Variants in RBM6 observed in about 807,000 individuals in gnomAD.
RBM6 encodes RNA binding motif protein 6.
A neutral mutation model predicts 140.4 loss-of-function variants in RBM6; 23 were observed. That is an observed-to-expected ratio of 0.16 (90% CI 0.12 to 0.23). RBM6 has a LOEUF of 0.23. Ranked by LOEUF, RBM6 falls within the 10% of genes least tolerant of loss-of-function variation. The probability of loss-of-function intolerance (pLI) is 1.00; values close to 1 mark genes in which losing one functional copy is unlikely to be tolerated. For missense variants in RBM6, 1,139 were observed against 1,386.7 expected (o/e 0.82, Z 2.84); for synonymous variants, 439 against 475.6 (o/e 0.92, Z 1.00).
intron 6 of RBM6, among the ~76,000 whole-genome samples, chr3:50,021,974 C>T (rs1018983857): frequency 1.3e-5 from 2 of 150,662 alleles, no homozygotes; most frequent in African/African-American, 2.4e-5. Flanking sequence ...CGCTTGAGCC[C>T]GGGAGGTCAA....
chr3:49,948,073 A>T (rs1245205603), intron 1 of RBM6, among the ~76,000 whole-genome samples: 2 of 152,078 alleles, frequency 1.3e-5, no homozygotes, highest in African/African-American at 4.8e-5. Flanking sequence ...AGCCTGGGCG[A>T]CAGAGCGAGA....
At chr3:50,057,313 G>A (rs912478699) in intron 8 of RBM6, among the ~76,000 whole-genome samples, 2 of 152,084 alleles carry the variant, frequency 1.3e-5, no homozygotes, top group Non-Finnish European at 2.9e-5. Context: ...CAGGCCGGGC[G>A]TGTTTGCTCA....
rs114512230 is a variant in RBM6, at chr3:50,023,410, A to G, written c.1557+23897A>G. On this transcript the variant is annotated intron_variant, in intron 6 of 20. Coordinates refer to ENST00000266022, the MANE Select transcript of RBM6 (RefSeq NM_005777.3). ...AACCTCCGCCTCCTGGGTTCAAGCTATTCTCCTGTTTCAGCATCCCAAGTA... is the reference window on the plus strand; with the variant it reads ...AACCTCCGCCTCCTGGGTTCAAGCTGTTCTCCTGTTTCAGCATCCCAAGTA... 6.1e-3 allele frequency among the ~76,000 whole-genome samples: 927 copies of G among 152,086 alleles called. 10 individuals are homozygous for G. The highest frequency in any genetic ancestry group is 0.021 in the African/African-American group (875 of 41,500).
rs868442364 is a variant in RBM6 at position 50,051,217 on chromosome 3, A to G, written c.1632+2898A>G. Among the ~76,000 whole-genome samples the G allele has an allele frequency of 2.6e-5, 4 of 151,986 alleles. No homozygotes were observed. In the East Asian group the frequency reaches 5.8e-4, roughly 22 times the overall value. ...TAACTGGGTGTGGTGGTGCATGCCTATGATCGCGGCTACTAAGCAGGCTGA... is the reference window on the plus strand; with the variant it reads ...TAACTGGGTGTGGTGGTGCATGCCTGTGATCGCGGCTACTAAGCAGGCTGA... On this transcript the variant is annotated intron_variant, in intron 7 of 20. Coordinates refer to ENST00000266022, the MANE Select transcript of RBM6 (RefSeq NM_005777.3).
chr3:50,030,829 G>GA (rs1479602264), intron 6 of RBM6, among the ~76,000 whole-genome samples: 1 of 152,106 alleles, frequency 6.6e-6, no homozygotes, highest in Non-Finnish European at 1.5e-5. Context: ...CCAATGGGAA[G>GA]GAAGGGGGAT....
chr3:50,019,040 TA>T (rs989368576), intron 6 of RBM6, among the ~76,000 whole-genome samples: 2 of 151,756 alleles, frequency 1.3e-5, no homozygotes, highest in African/African-American at 2.4e-5. Context: ...TTTATTTATT[TA>T]TTTTTTTTTT....
intron 5 of RBM6, among the ~76,000 whole-genome samples, chr3:49,994,758 GA>G (rs908339063): frequency 6.7e-6 from 1 of 149,462 alleles, no homozygotes; most frequent in South Asian, 2.1e-4. Context: ...AAAGAAAGGA[GA>G]AAAAAAAACC....
intron 18 of RBM6, among the ~76,000 whole-genome samples, chr3:50,068,969 A>G (rs1011328594): frequency 9.9e-5 from 15 of 152,206 alleles, no homozygotes; most frequent in African/African-American, 3.1e-4. Flanking sequence ...AATGAAGTTG[A>G]TATCTTTTTT....
chr3:49,986,914 T>G (rs973060244), intron 5 of RBM6, among the ~76,000 whole-genome samples: 9 of 152,012 alleles, frequency 5.9e-5, no homozygotes, highest in Admixed American at 6.6e-5. Context: ...CCCTCCCTAG[T>G]AGCTGGGACT....
chr3:49,943,454 C>G (rs1406435949), intron 1 of RBM6, among the ~76,000 whole-genome samples: 2 of 151,982 alleles, frequency 1.3e-5, no homozygotes, highest in Non-Finnish European at 2.9e-5. Context: ...GCATGGGCTG[C>G]CACAACCAGC....
intron 1 of RBM6, among the ~76,000 whole-genome samples, chr3:49,955,371 T>G (rs958454673): frequency 6.6e-6 from 1 of 150,924 alleles, no homozygotes; most frequent in Admixed American, 6.6e-5. Context: ...AGGGTCTCTA[T>G]TGATGTGCAT....
chr3:50,024,450 A>C (rs2087685173), intron 6 of RBM6, among the ~76,000 whole-genome samples: 1 of 152,090 alleles, frequency 6.6e-6, no homozygotes, highest in African/African-American at 2.4e-5. Flanking sequence ...TCCCACAGGT[A>C]GTCACTGAGT....
chr3:49,971,170 G>A (rs1165415282), intron 3 of RBM6, among the ~76,000 whole-genome samples: 1 of 140,196 alleles, frequency 7.1e-6, no homozygotes, highest in Admixed American at 7.2e-5. Context: ...GGAGGCTGAG[G>A]CAGGAGAATC....
rs557329539 is a variant in RBM6, at chr3:49,953,992, C to T, written c.-66-8584C>T. 1.9e-3 allele frequency among the ~76,000 whole-genome samples: 292 copies of T among 152,002 alleles called. 1 individual carries two copies. The highest frequency in any genetic ancestry group is 6.8e-3 in the African/African-American group (283 of 41,450). On this transcript the variant is annotated intron_variant, in intron 1 of 20. Coordinates refer to ENST00000266022, the MANE Select transcript of RBM6 (RefSeq NM_005777.3). ...ACCAGAAATACACAAAAAAATTAGC[C>T]GAGCATGGTAGTGCACATTTGTAGT...
At chr3:49,956,328 C>CTTTT (rs34467093) in intron 1 of RBM6, among the ~76,000 whole-genome samples, 60 of 72,018 alleles carry the variant, frequency 8.3e-4, no homozygotes, top group Non-Finnish European at 9.1e-4. Context: ...CCCTCCCCCG[C>CTTTT]TTTTTTTTTT....
intron 1 of RBM6, among the ~76,000 whole-genome samples, chr3:49,947,876 C>CAA (rs1405199851): frequency 6.6e-6 from 1 of 152,146 alleles, no homozygotes; most frequent in Non-Finnish European, 1.5e-5. Context: ...TGTTGAAAAT[C>CAA]AGTTGACTAA....
intron 6 of RBM6, among the ~76,000 whole-genome samples, chr3:50,008,243 C>G (rs1235223346): frequency 2.0e-5 from 3 of 152,146 alleles, no homozygotes. Context: ...TTTAAGGGAA[C>G]CTTCTGATAT....
Position 50,033,428 on chromosome 3 carries a change from TTAAA to T in RBM6, c.1558-14814_1558-14811del, listed in dbSNP as rs1354381894. ...CAGTACAAAACTACTAAATTTATAA[TTAAA>T]TATATAAATAAAATATAATAAAAAT... On this transcript the variant is annotated intron_variant, in intron 6 of 20. Transcript: ENST00000266022. Among the ~76,000 whole-genome samples the T allele has an allele frequency of 5.9e-5, 9 of 152,204 alleles. No homozygotes were observed. In the South Asian group the frequency reaches 1.9e-3, roughly 32 times the overall value.
chr3:50,006,025 A>G (rs906523091), intron 6 of RBM6, among the ~76,000 whole-genome samples: 2 of 152,078 alleles, frequency 1.3e-5, no homozygotes, highest in Non-Finnish European at 2.9e-5. Context: ...TTAAGGATCG[A>G]TGACTTGATT....
Sources: gnomAD v4.1 joint callset for allele counts (sites outside exome capture counted in the v4.1 genomes callset) on GRCh38, gnomAD v4.1.1 for gene constraint, MANE v1.5 for transcripts, NCBI Gene and HGNC (gene_info 2026-07-23, HGNC 2026-07-21) for gene names.